The following NELL1 variants were observed in gnomAD, a reference collection of about 807,000 sequenced individuals.
NELL1 encodes the protein protein kinase C-binding protein NELL1.
Under a neutral mutation model 107.4 loss-of-function variants are expected in NELL1, and 76 were observed. That is an observed-to-expected ratio of 0.71 (90% CI 0.59 to 0.86). The LOEUF (loss-of-function observed/expected upper bound fraction) is 0.86. Among genes scored for constraint, NELL1 ranks in the 40% least tolerant of loss-of-function variants. The probability of loss-of-function intolerance (pLI) is 0.00; values close to 1 mark genes in which losing one functional copy is unlikely to be tolerated. For missense variants in NELL1, 1,024 were observed against 1,005.5 expected (o/e 1.02, Z -0.25); for synonymous variants, 353 against 341.2 (o/e 1.03, Z -0.38).
intron 16 of NELL1, among the ~76,000 whole-genome samples, chr11:21,552,176 T>G: frequency 6.8e-6 from 1 of 147,654 alleles, no homozygotes; most frequent in South Asian, 2.3e-4. Flanking sequence ...TTAGGAGATA[T>G]ACCTAATGCT....
intron 4 of NELL1, among the ~76,000 whole-genome samples, chr11:20,882,984 C>G (rs1355421609): frequency 6.6e-6 from 1 of 152,114 alleles, no homozygotes; most frequent in East Asian, 1.9e-4. Flanking sequence ...ATTAGATTTC[C>G]TCCTCCCTCC....
At chr11:21,360,326 G>A (rs938570487) in intron 14 of NELL1, among the ~76,000 whole-genome samples, 2 of 152,096 alleles carry the variant, frequency 1.3e-5, no homozygotes, top group Non-Finnish European at 2.9e-5. Flanking sequence ...TTGACTTCCA[G>A]TTTTATTCCA....
At chr11:21,539,958 G>C (rs1162508053) in intron 16 of NELL1, among the ~76,000 whole-genome samples, 1 of 151,790 alleles carries the variant, frequency 6.6e-6, no homozygotes, top group African/African-American at 2.4e-5. Flanking sequence ...GCCTGTGACG[G>C]GACATCACAC....
intron 12 of NELL1, among the ~76,000 whole-genome samples, chr11:21,004,416 A>T (rs1270459106): frequency 6.6e-6 from 1 of 152,144 alleles, no homozygotes; most frequent in Non-Finnish European, 1.5e-5. Context: ...TGATTCTAAT[A>T]TCATCCCCAT....
intron 13 of NELL1, among the ~76,000 whole-genome samples, chr11:21,133,498 G>T (rs1372818997): frequency 6.6e-6 from 1 of 152,070 alleles, no homozygotes; most frequent in Non-Finnish European, 1.5e-5. Context: ...AGGGGTGCCT[G>T]CAGGCCCCCA....
At chr11:21,325,078 T>A (rs1326366259) in intron 14 of NELL1, among the ~76,000 whole-genome samples, 1 of 152,100 alleles carries the variant, frequency 6.6e-6, no homozygotes, top group Non-Finnish European at 1.5e-5. Flanking sequence ...GGTTTCCTTT[T>A]CTTCTTGGAA....
intron 16 of NELL1, among the ~76,000 whole-genome samples, chr11:21,549,538 C>G (rs1856525895): frequency 1.3e-5 from 2 of 151,780 alleles, no homozygotes; most frequent in African/African-American, 4.8e-5. Context: ...TTCCCAATTC[C>G]TAGAACGGTG....
intron 3 of NELL1, among the ~76,000 whole-genome samples, chr11:20,821,040 C>T (rs1436084973): frequency 6.6e-6 from 1 of 152,144 alleles, no homozygotes; most frequent in East Asian, 1.9e-4. Context: ...TCAATATTTG[C>T]CCTATTGAGA....
At chr11:21,481,331 G>GC (rs1204551570) in intron 15 of NELL1, among the ~76,000 whole-genome samples, 1 of 152,114 alleles carries the variant, frequency 6.6e-6, no homozygotes, top group African/African-American at 2.4e-5. Flanking sequence ...GCTCAGAAAA[G>GC]AGCAGTGAAA....
intron 13 of NELL1, among the ~76,000 whole-genome samples, chr11:21,222,170 G>C (rs1447085706): frequency 1.3e-5 from 2 of 151,544 alleles, no homozygotes; most frequent in Admixed American, 1.3e-4. Flanking sequence ...TTTGTATTTT[G>C]TTTGTTTGTT....
chr11:21,143,428 G>A lies in NELL1; in HGVS notation c.1426+29714G>A, dbSNP rs901588434. ...GAGGAAAGAAAGGGGAAAGGAGAGG[G>A]TAGTCAAGGAGATGATGTGAAGCTC... On this transcript the variant is annotated intron_variant, in intron 13 of 19. Coordinates refer to ENST00000357134, the MANE Select transcript of NELL1 (RefSeq NM_006157.5). 7.9e-5 allele frequency among the ~76,000 whole-genome samples: 12 copies of A among 152,242 alleles called. 1 individual carries two copies. The South Asian group carries it at 2.5e-3, about 32-fold the overall frequency.
intron 5 of NELL1, among the ~76,000 whole-genome samples, chr11:20,896,900 A>G (rs554379789): frequency 1.2e-4 from 18 of 152,256 alleles, no homozygotes; most frequent in African/African-American, 3.9e-4. Flanking sequence ...CCACTGCTCA[A>G]TGAAATAAAA....
intron 15 of NELL1, among the ~76,000 whole-genome samples, chr11:21,413,204 C>T (rs1283293800): frequency 2.0e-5 from 3 of 152,026 alleles, no homozygotes; most frequent in Admixed American, 1.3e-4. Flanking sequence ...ATGTTCAGCC[C>T]TGCTGAGTCA....
chr11:21,228,990 G>A (rs1397206345), intron 13 of NELL1, among the ~76,000 whole-genome samples: 1 of 151,838 alleles, frequency 6.6e-6, no homozygotes, highest in African/African-American at 2.4e-5. Flanking sequence ...GCAGGATGAG[G>A]CAGTGCAAAA....
chr11:21,052,795 A>T (rs983027857), intron 12 of NELL1, among the ~76,000 whole-genome samples: 1 of 152,108 alleles, frequency 6.6e-6, no homozygotes, highest in African/African-American at 2.4e-5. Context: ...GCCCCAAGAC[A>T]GGTACAAGCT....
intron 14 of NELL1, among the ~76,000 whole-genome samples, chr11:21,308,793 T>A (rs1849664111): frequency 6.6e-6 from 1 of 152,062 alleles, no homozygotes; most frequent in African/African-American, 2.4e-5. Flanking sequence ...TTTCTAATTA[T>A]ACACATAGTA....
chr11:20,983,811 C>G (rs61880763), intron 12 of NELL1, among the ~76,000 whole-genome samples: 1,855 of 152,212 alleles, frequency 0.012, 9 homozygotes, highest in Middle Eastern at 0.02. Flanking sequence ...GAACATTTTG[C>G]CCTCGTGGCC....
chr11:21,352,535 G>A (rs1850841017), intron 14 of NELL1, among the ~76,000 whole-genome samples: 1 of 152,044 alleles, frequency 6.6e-6, no homozygotes, highest in Non-Finnish European at 1.5e-5. Context: ...AATTTTAAGT[G>A]CAATATTACT....
Position 21,506,407 on chromosome 11 carries a change from T to C in NELL1, c.1646-27967T>C, listed in dbSNP as rs970651157. Reference sequence around the variant, plus strand: ...ATGTGTTTATGACTTTATGGCCTAATTGGTCCCAAAGGCACTTAAGAAAAT... The same window carrying C: ...ATGTGTTTATGACTTTATGGCCTAACTGGTCCCAAAGGCACTTAAGAAAAT... On this transcript the variant is annotated intron_variant, in intron 15 of 19. Transcript: ENST00000357134. 1.4e-4 allele frequency among the ~76,000 whole-genome samples: 22 copies of C among 152,206 alleles called. 1 individual carries two copies. Among genetic ancestry groups the C allele is most frequent in the African/African-American group, 4.8e-4 (20 of 41,450 alleles).
Sources: gnomAD v4.1 joint callset for allele counts (sites outside exome capture counted in the v4.1 genomes callset) on GRCh38, gnomAD v4.1.1 for gene constraint, MANE v1.5 for transcripts, NCBI Gene and HGNC (gene_info 2026-07-23, HGNC 2026-07-21) for gene names.